The following IQCE variants were observed in gnomAD, a reference collection of about 807,000 sequenced individuals.
IQCE encodes the protein IQ domain-containing protein E.
IQCE carries 115 observed loss-of-function variants against 96.0 expected under a neutral mutation model. The ratio of observed to expected loss-of-function variants is 1.20; its 90% CI spans 1.03 to 1.40. IQCE has a LOEUF of 1.40. IQCE is among the 40% of genes most tolerant of loss of function. The pLI, the probability that IQCE is intolerant of heterozygous loss-of-function variation, is 0.00. For missense variants in IQCE, 1,041 were observed against 909.1 expected, an observed-to-expected ratio of 1.15 and a Z score of -1.87; for synonymous variants, 412 against 371.2, an observed-to-expected ratio of 1.11 and a Z score of -1.26.
intron 16 of IQCE, among the ~76,000 whole-genome samples, chr7:2,596,198 G>A (rs1784023642): frequency 6.6e-6 from 1 of 152,108 alleles, no homozygotes; most frequent in Admixed American, 6.6e-5. Flanking sequence ...GGTGGAGGCT[G>A]CAGAGAGCCA....
At chr7:2,581,711 C>CCTTTTTTTTTTTTTTT (rs555502786) in intron 8 of IQCE, among the ~76,000 whole-genome samples, 1 of 140,210 alleles carries the variant, frequency 7.1e-6, no homozygotes. Context: ...AAAGAATGTT[C>CCTTTTTTTTTTTTTTT]TTTTTTTTTT....
rs1311066302 is a variant in IQCE at position 2,594,908 on chromosome 7, A to G, written c.1372A>G (p.Ser458Gly). Residue 458 changes from serine to glycine, a missense_variant, in exon 16 of 22, where the codon AGC becomes GGC. Coordinates refer to ENST00000402050, the MANE Select transcript of IQCE (RefSeq NM_152558.5). Reference protein sequence around the residue: ...VLREEIQTLTSKLQELQEMKK... With the variant: ...VLREEIQTLTGKLQELQEMKK... ...TAGAGAGGAGATTCAGACACTTACC[A>G]GCAAGCTCCAAGAATTGCAAGAAAT... 6.2e-7 allele frequency: 1 copy of G among 1,613,806 alleles called. No homozygotes were observed.
At chr7:2,598,875 G>A (rs1465913223) in intron 17 of IQCE, 27 of 386,668 alleles carry the variant, frequency 7.0e-5, no homozygotes, top group Non-Finnish European at 1.0e-4. Context: ...AGAACTATTC[G>A]AAAGTAAGTT....
chr7:2,572,167 T>C, intron 4 of IQCE, 25 bp from the exon 5 acceptor site: 1 of 1,603,830 alleles, frequency 6.2e-7, no homozygotes, highest in Non-Finnish European at 8.5e-7. Flanking sequence ...ATCTGTCATA[T>C]TAAACCCATG....
Position 2,605,913 on chromosome 7 carries a change from A to G in IQCE, c.1781A>G (p.Gln594Arg). The G allele has an allele frequency of 6.2e-7, 1 of 1,608,200 alleles. No individual in the cohort carries two copies. The highest frequency in any genetic ancestry group is 1.1e-5 in the South Asian group (1 of 90,016). ...PVPRVPSPIAQATGSPVQEEA... is the reference protein window; with the variant it reads ...PVPRVPSPIARATGSPVQEEA... Reference sequence around the variant, plus strand: ...CCCCGCGTTCCGAGCCCCATCGCCCAGGCCACGGGCAGCCCTGTGCAGGAG... The same window carrying G: ...CCCCGCGTTCCGAGCCCCATCGCCCGGGCCACGGGCAGCCCTGTGCAGGAG... The change falls in exon 20 of 22, where the codon CAG (glutamine) becomes CGG (arginine). Residue 594 changes from glutamine to arginine, a missense_variant. Gln to Arg is a conservative substitution (Grantham distance 43). Transcript: ENST00000402050.
chr7:2,596,047 C>T (rs1352385200), intron 16 of IQCE, among the ~76,000 whole-genome samples: 3 of 152,206 alleles, frequency 2.0e-5, no homozygotes, highest in South Asian at 2.1e-4. Context: ...CATGTTCAGA[C>T]GAAAAGCAAG....
intron 20 of IQCE, 146 bp from the exon 21 acceptor site, chr7:2,606,978 C>T (rs954791419): frequency 7.3e-6 from 5 of 685,742 alleles, no homozygotes; most frequent in East Asian, 3.1e-5. Context: ...TTGGGTACAG[C>T]GCTGGTCGTG....
At chr7:2,606,216 G>C (rs1164536222) in intron 20 of IQCE, among the ~76,000 whole-genome samples, 2 of 152,170 alleles carry the variant, frequency 1.3e-5, no homozygotes, top group Non-Finnish European at 2.9e-5. Flanking sequence ...TGTGATCCTC[G>C]GGGGAGGCCT....
chr7:2,596,484 C>T (rs1043258964), intron 16 of IQCE, among the ~76,000 whole-genome samples: 10 of 148,274 alleles, frequency 6.7e-5, no homozygotes, highest in African/African-American at 2.5e-4. Context: ...TATTTTCCTA[C>T]TCAGGAAACA....
rs141181435 is a variant in IQCE at position 2,605,012 on chromosome 7, G to A, written c.1743+21G>A. 2.1e-3 allele frequency: 3,175 copies of A among 1,533,572 alleles called. 52 individuals carry two copies. The African/African-American group carries it at 0.038, about 18-fold the overall frequency. The allele number at this position is 1,533,572 out of a possible 1,614,324, so 95.0% of individuals were successfully genotyped here. A position where few individuals can be genotyped will look rare whatever the true frequency, so the allele number is the denominator to read the frequency against. On this transcript the variant is annotated intron_variant, in intron 19 of 21. Transcript: ENST00000402050. ...ACCAGGTAATGTCGGGGTGCTGGAC[G>A]TCCCAGTGGCCATCTGCAGAGCTGC... is the stretch of plus-strand genomic sequence containing the variant.
intron 6 of IQCE, among the ~76,000 whole-genome samples, chr7:2,573,939 T>G (rs2917749): frequency 0.064 from 9,771 of 152,250 alleles, 487 homozygotes; most frequent in Admixed American, 0.14. Flanking sequence ...AACCACAGTC[T>G]GCTGATGAAC....
At chr7:2,565,093 T>TGTGC (rs144717520) in intron 1 of IQCE, among the ~76,000 whole-genome samples, 30,169 of 150,908 alleles carry the variant, frequency 0.2, 4,045 homozygotes, top group African/African-American at 0.38. Flanking sequence ...TGTGCGTGTG[T>TGTGC]GTGCGTGTGT....
chr7:2,570,152 T>G (rs778683469), intron 3 of IQCE, among the ~76,000 whole-genome samples: 28 of 152,186 alleles, frequency 1.8e-4, no homozygotes, highest in Non-Finnish European at 4.4e-5. Flanking sequence ...CCGAGGCTTT[T>G]CATCGTCCTG....
At chr7:2,566,292 CTT>C (rs57683972) in intron 1 of IQCE, among the ~76,000 whole-genome samples, 33 of 137,538 alleles carry the variant, frequency 2.4e-4, no homozygotes, top group Admixed American at 4.4e-4. Flanking sequence ...AAAAAGCTTC[CTT>C]TTTTTTTTTT....
At chr7:2,572,454 G>A (rs1488845304) in intron 5 of IQCE, 128 bp downstream of exon 5, 16 of 1,021,938 alleles carry the variant, frequency 1.6e-5, no homozygotes, top group Non-Finnish European at 2.1e-5. Flanking sequence ...GTCACTGGGA[G>A]GTTTTGGGAG....
intron 1 of IQCE, among the ~76,000 whole-genome samples, chr7:2,562,361 G>C (rs1781031304): frequency 6.6e-6 from 1 of 151,480 alleles, no homozygotes; most frequent in South Asian, 2.1e-4. Flanking sequence ...TATTCATAAA[G>C]AATGTTGGTC....
At chr7:2,560,743 G>C (rs939827311) in intron 1 of IQCE, among the ~76,000 whole-genome samples, 5 of 151,960 alleles carry the variant, frequency 3.3e-5, no homozygotes, top group Non-Finnish European at 7.4e-5. Context: ...AGATCATGAG[G>C]TCAGGAGATC....
At chr7:2,598,147 G>A in intron 16 of IQCE, 1 of 270,728 alleles carries the variant, frequency 3.7e-6, no homozygotes, top group East Asian at 6.3e-5. Flanking sequence ...AAATGTGACT[G>A]AGTGTAGTGA....
intron 19 of IQCE, among the ~76,000 whole-genome samples, chr7:2,605,515 G>T (rs996974405): frequency 6.6e-6 from 1 of 152,118 alleles, no homozygotes. Context: ...AGCTACTCAG[G>T]AGGCTGAGGC....
Sources: gnomAD v4.1 joint callset for allele counts (sites outside exome capture counted in the v4.1 genomes callset) on GRCh38, gnomAD v4.1.1 for gene constraint, MANE v1.5 for transcripts, NCBI Gene and HGNC (gene_info 2026-07-23, HGNC 2026-07-21) for gene names.